MIGA1: variants seen among roughly 807,000 people sequenced by gnomAD.
MIGA1 encodes the protein family with sequence similarity 73, member A.
MIGA1 carries 58 observed loss-of-function variants against 82.0 expected under a neutral mutation model. The observed-to-expected ratio is 0.71, with a 90% CI of 0.57 to 0.88. The LOEUF (loss-of-function observed/expected upper bound fraction) is 0.88. Ranked by LOEUF, MIGA1 falls within the 40% of genes least tolerant of loss-of-function variation. The pLI is 0.00. For missense variants in MIGA1, 751 were observed against 749.1 expected (o/e 1.00, Z -0.03); for synonymous variants, 249 against 253.6 (o/e 0.98, Z 0.17).
At chr1:77,848,011 G>T in intron 8 of MIGA1, 1 of 1,251,006 alleles carries the variant, frequency 8.0e-7, no homozygotes, top group Non-Finnish European at 1.2e-6. Context: ...CAGTCACCTA[G>T]TGAAGAAAGA....
intron 7 of MIGA1, among the ~76,000 whole-genome samples, chr1:77,819,992 T>C (rs2101820487): frequency 6.6e-6 from 1 of 152,190 alleles, no homozygotes; most frequent in South Asian, 2.1e-4. Context: ...AAAGTATGCC[T>C]ATACCCAAAA....
At chr1:77,792,623 T>A (rs531896000) in intron 2 of MIGA1, among the ~76,000 whole-genome samples, 1 of 152,118 alleles carries the variant, frequency 6.6e-6, no homozygotes, top group African/African-American at 2.4e-5. Flanking sequence ...ACACTAATAG[T>A]TTTGTACTGG....
At chr1:77,848,971 G>T (rs546060900) in intron 8 of MIGA1, among the ~76,000 whole-genome samples, 44 of 152,262 alleles carry the variant, frequency 2.9e-4, no homozygotes, top group Middle Eastern at 6.8e-3. Flanking sequence ...TTGGATGTTT[G>T]GATGTGGATG....
At chr1:77,839,228 A>AATC (rs1684539067) in intron 7 of MIGA1, among the ~76,000 whole-genome samples, 1 of 152,032 alleles carries the variant, frequency 6.6e-6, no homozygotes, top group African/African-American at 2.4e-5. Context: ...AAATAATAAT[A>AATC]ATAATAATAA....
chr1:77,795,063 A>ATGAGAC (rs1242705257), intron 2 of MIGA1, among the ~76,000 whole-genome samples: 1 of 151,796 alleles, frequency 6.6e-6, no homozygotes, highest in Non-Finnish European at 1.5e-5. Flanking sequence ...TCCCGGGTTC[A>ATGAGAC]AGCAATTCTC....
intron 7 of MIGA1, among the ~76,000 whole-genome samples, chr1:77,820,293 C>T (rs2101821552): frequency 6.6e-6 from 1 of 152,090 alleles, no homozygotes; most frequent in East Asian, 1.9e-4. Context: ...CTGACTGTGA[C>T]CCTGAACTTA....
At chr1:77,844,977 G>C (rs1175345762) in intron 8 of MIGA1, among the ~76,000 whole-genome samples, 1 of 152,146 alleles carries the variant, frequency 6.6e-6, no homozygotes, top group Non-Finnish European at 1.5e-5. Context: ...GTGAGACTCT[G>C]TCTCACACAC....
In MIGA1 at chr1:77,793,626, A is replaced by ATT. The variant is rs1279233492; in HGVS notation, c.196-7691_196-7690dup. 1.1e-4 allele frequency among the ~76,000 whole-genome samples: 15 copies of ATT among 131,538 alleles called. No individual in the cohort carries two copies. In the East Asian group the frequency reaches 1.6e-3, roughly 14 times the overall value. 86.3% of individuals were successfully genotyped at this position (131,538 alleles called of 152,430 possible). A position where few individuals can be genotyped will look rare whatever the true frequency, so the allele number is the denominator to read the frequency against. ...AGGCATGCGCCACCATGCCCAGCTA[A>ATT]TTTTTTTTTTTTTTTGTATTTTTAA... is the stretch of plus-strand genomic sequence containing the variant. On this transcript the variant is annotated intron_variant, in intron 2 of 15. Transcript: ENST00000370791.
chr1:77,813,298 T>C (rs1456351588), intron 5 of MIGA1, among the ~76,000 whole-genome samples: 2 of 152,186 alleles, frequency 1.3e-5, no homozygotes, highest in African/African-American at 4.8e-5. Flanking sequence ...AGCTTTACTT[T>C]GTTCTTCTGA....
intron 12 of MIGA1, among the ~76,000 whole-genome samples, chr1:77,863,401 C>T (rs1026775893): frequency 6.6e-5 from 10 of 152,220 alleles, no homozygotes; most frequent in African/African-American, 2.4e-4. Context: ...TATTGTGCTT[C>T]ACACAGTTCA....
At chr1:77,819,777 T>C (rs1217854237) in intron 7 of MIGA1, among the ~76,000 whole-genome samples, 2 of 152,066 alleles carry the variant, frequency 1.3e-5, no homozygotes, top group East Asian at 3.9e-4. Flanking sequence ...AGGTGAGGTT[T>C]TGCCGTGTTA....
chr1:77,852,321 A>G (rs1448499290), intron 8 of MIGA1, among the ~76,000 whole-genome samples: 6 of 152,172 alleles, frequency 3.9e-5, no homozygotes, highest in African/African-American at 1.4e-4. Flanking sequence ...ATTCTAAGTT[A>G]TTTTTAAAAA....
intron 11 of MIGA1, chr1:77,860,566 C>G (rs908241865): frequency 1.9e-5 from 3 of 154,546 alleles, no homozygotes; most frequent in Admixed American, 1.3e-4. Flanking sequence ...AAGGAACCAC[C>G]TTACTTTATG....
chr1:77,798,748 C>T (rs998286305), intron 2 of MIGA1, among the ~76,000 whole-genome samples: 3 of 152,162 alleles, frequency 2.0e-5, no homozygotes, highest in African/African-American at 7.2e-5. Flanking sequence ...ATTGAGGGCA[C>T]ACCCTAATCC....
intron 1 of MIGA1, among the ~76,000 whole-genome samples, chr1:77,780,941 C>G (rs1487714648): frequency 7.0e-6 from 1 of 142,642 alleles, no homozygotes; most frequent in Non-Finnish European, 1.5e-5. Context: ...GAGTCTGGCT[C>G]TGTCGCCCAG....
At chr1:77,781,118 AG>A (rs1681895733) in intron 1 of MIGA1, among the ~76,000 whole-genome samples, 1 of 151,988 alleles carries the variant, frequency 6.6e-6, no homozygotes, top group South Asian at 2.1e-4. Flanking sequence ...TATATTGGCC[AG>A]GCTGGTCTTG....
chr1:77,811,382 C>G, intron 5 of MIGA1: 7 of 1,606,308 alleles, frequency 4.4e-6, no homozygotes, highest in Non-Finnish European at 6.0e-6. Context: ...TCTTCTTCAT[C>G]TTCTTCAAAT....
chr1:77,857,320 TG>T (rs1189449631), intron 8 of MIGA1, among the ~76,000 whole-genome samples: 4 of 74,096 alleles, frequency 5.4e-5, no homozygotes, highest in Non-Finnish European at 1.7e-4. Flanking sequence ...CTGTGTACTT[TG>T]GTTTTTTTTT....
At chr1:77,788,889 T>A (rs1340147480) in intron 2 of MIGA1, among the ~76,000 whole-genome samples, 1 of 152,196 alleles carries the variant, frequency 6.6e-6, no homozygotes, top group African/African-American at 2.4e-5. Context: ...TTGGCTATTC[T>A]AAGTCCCTTG....
Sources: gnomAD v4.1 joint callset for allele counts (sites outside exome capture counted in the v4.1 genomes callset) on GRCh38, gnomAD v4.1.1 for gene constraint, MANE v1.5 for transcripts, NCBI Gene and HGNC (gene_info 2026-07-23, HGNC 2026-07-21) for gene names.